Variants in RUNDC3A observed in about 807,000 individuals in gnomAD.
RUNDC3A encodes RUN domain-containing protein 3A.
Under a neutral mutation model 53.9 loss-of-function variants are expected in RUNDC3A, and 28 were observed. The ratio of observed to expected loss-of-function variants is 0.52; its 90% CI spans 0.38 to 0.71. The LOEUF is 0.71. Ranked by LOEUF, RUNDC3A falls within the 30% of genes least tolerant of loss-of-function variation. The pLI, the probability that RUNDC3A is intolerant of heterozygous loss-of-function variation, is 0.00. For missense variants in RUNDC3A, 491 were observed against 597.3 expected (o/e 0.82, Z 1.85); for synonymous variants, 232 against 249.4 (o/e 0.93, Z 0.66).
intron 3 of RUNDC3A, 40 bp downstream of exon 3, chr17:44,313,292 C>G: frequency 6.2e-7 from 1 of 1,610,016 alleles, no homozygotes; most frequent in South Asian, 1.1e-5. Context: ...CTGCTCTGGA[C>G]ACAGGGGGCC....
rs1253378100 is a variant in RUNDC3A, at chr17:44,314,512, A to G, written c.459-223A>G. 4 of 1,419,484 alleles carry G rather than the reference A, an allele frequency of 2.8e-6. No individual in the cohort carries two copies. The African/African-American group carries it at 4.3e-5, about 15-fold the overall frequency. The allele number at this position is 1,419,484 out of a possible 1,614,324, so 87.9% of individuals were successfully genotyped here. A position where few individuals can be genotyped will look rare whatever the true frequency, so the allele number is the denominator to read the frequency against. Reference sequence around the variant, plus strand: ...GTACTTGATGAGGAAGGGGTAGCTCAGAGGGAGGAGTCGGCTCAGGGAACA... The same window carrying G: ...GTACTTGATGAGGAAGGGGTAGCTCGGAGGGAGGAGTCGGCTCAGGGAACA... On this transcript the variant is annotated intron_variant, in intron 4 of 10. Coordinates refer to ENST00000426726, the MANE Select transcript of RUNDC3A (RefSeq NM_001144825.2).
chr17:44,317,011 C>T (rs1364070885), intron 10 of RUNDC3A: 6 of 431,746 alleles, frequency 1.4e-5, no homozygotes, highest in South Asian at 1.3e-4. Context: ...TTAGTAGAGA[C>T]GCGCGGCTAA....
At chr17:44,311,885 A>AGTCT (rs2047753657) in intron 1 of RUNDC3A, among the ~76,000 whole-genome samples, 1 of 151,908 alleles carries the variant, frequency 6.6e-6, no homozygotes, top group Non-Finnish European at 1.5e-5. Context: ...CCTCCTGCCC[A>AGTCT]GTGTCTGTGT....
Position 44,316,689 on chromosome 17 carries a change from G to A in RUNDC3A, c.1162G>A (p.Glu388Lys). 6.5e-7 allele frequency: 1 copy of A among 1,550,138 alleles called. No homozygotes were observed. The highest frequency in any genetic ancestry group is 1.9e-4 in the Middle Eastern group (1 of 5,358). ...GAGCTCGGACTCCCAGCGCCTGGGA[G>A]AGGGCACGCGGGACGAGGAGCCCTG... is the stretch of plus-strand genomic sequence containing the variant. ...SLSSDSQRLGEGTRDEEPWGP... is the reference protein window; with the variant it reads ...SLSSDSQRLGKGTRDEEPWGP... The change falls in exon 10 of 11, where the codon GAG becomes AAG. Residue 388 changes from glutamate (E) to lysine (K), a missense_variant. By Grantham distance (56) the Glu-to-Lys change is moderately conservative (BLOSUM62 1). Transcript: ENST00000426726.
chr17:44,316,875 T>C, intron 10 of RUNDC3A, 150 bp downstream of exon 10: 1 of 593,930 alleles, frequency 1.7e-6, no homozygotes, highest in South Asian at 2.3e-5. Context: ...CAAGTTGGAG[T>C]GCAGTGGCGC....
intron 4 of RUNDC3A, chr17:44,314,449 A>G (rs1285778134): frequency 7.5e-7 from 1 of 1,337,220 alleles, no homozygotes; most frequent in Non-Finnish European, 9.6e-7. Context: ...ACTAATGATT[A>G]AGACTTGCTT....
chr17:44,309,198 T>G (rs2047701758), intron 1 of RUNDC3A, among the ~76,000 whole-genome samples: 1 of 148,384 alleles, frequency 6.7e-6, no homozygotes. Flanking sequence ...TAGCTTCCTG[T>G]GAGAACCAGG....
In RUNDC3A at chr17:44,315,119, G is replaced by A. The variant is rs753846151; in HGVS notation, c.630-36G>A. 1.3e-6 allele frequency: 2 copies of A among 1,595,200 alleles called. No homozygotes were observed. The highest frequency in any genetic ancestry group is 1.7e-6 in the Non-Finnish European group (2 of 1,170,636). ...CCAGCGCAGACGCGCGGGGGGAGGG[G>A]CGGGACCGGCCGTGCCCACTGCTCC... is the stretch of plus-strand genomic sequence containing the variant. On this transcript the variant is annotated intron_variant, in intron 6 of 10. Coordinates refer to ENST00000426726, the MANE Select transcript of RUNDC3A (RefSeq NM_001144825.2). The surrounding 1 kb of genome is among the most constrained non-coding windows in gnomAD (Gnocchi z 6.1).
At chr17:44,312,519 C>A in intron 1 of RUNDC3A, 61 bp from the exon 2 acceptor site, 2 of 945,612 alleles carry the variant, frequency 2.1e-6, no homozygotes, top group Non-Finnish European at 3.3e-6. Context: ...CTGTCTCTCC[C>A]TCCATCACCT....
At chr17:44,311,875 C>T (rs1228855417) in intron 1 of RUNDC3A, among the ~76,000 whole-genome samples, 1 of 152,134 alleles carries the variant, frequency 6.6e-6, no homozygotes, top group Non-Finnish European at 1.5e-5. Context: ...GCCAATGCCC[C>T]CTCCTGCCCA....
intron 10 of RUNDC3A, chr17:44,316,962 A>T: frequency 8.5e-6 from 4 of 469,186 alleles, no homozygotes; most frequent in Non-Finnish European, 1.5e-5. Flanking sequence ...AGCTGGGATT[A>T]AAAGCGCCTG....
intron 2 of RUNDC3A, 96 bp downstream of exon 2, chr17:44,312,791 A>AGCG (rs2047776470): frequency 7.8e-6 from 3 of 384,174 alleles, no homozygotes; most frequent in South Asian, 2.3e-5. Flanking sequence ...TCCCTCCCCA[A>AGCG]CTCCCAACCT....
intron 1 of RUNDC3A, among the ~76,000 whole-genome samples, chr17:44,311,967 G>T (rs1160432746): frequency 6.6e-6 from 1 of 152,142 alleles, no homozygotes; most frequent in Non-Finnish European, 1.5e-5. Flanking sequence ...GGCAGCTGGT[G>T]TGTGGGAGGC....
chr17:44,316,448 C>G lies in RUNDC3A; in HGVS notation c.1017C>G (p.Pro339=). 1.2e-6 allele frequency: 2 copies of G among 1,613,840 alleles called. No homozygotes were observed. Among genetic ancestry groups the G allele is most frequent in the Non-Finnish European group, 1.7e-6 (2 of 1,179,886 alleles). Residue 339 remains proline (P), a synonymous_variant, in exon 9 of 11, where the codon CCC becomes CCG. Transcript: ENST00000426726. ...LAQGSKELTT[P]LVNQWPSLGT... ...AGGGTTCCAAGGAGCTCACTACACCCCTGGTCAATCAATGGCCCTCACTGG... is the reference window on the plus strand; with the variant it reads ...AGGGTTCCAAGGAGCTCACTACACCGCTGGTCAATCAATGGCCCTCACTGG...
At position 44,315,030 on chromosome 17, in the gene RUNDC3A, G is replaced by A. The variant is rs1396507520; in HGVS notation, c.629+21G>A. Reference sequence around the variant, plus strand: ...CAGAGGTGAGCGGCTCCATGACTGCGGCGGGGCGGGGGACGGGGCCTCGGG... The same window carrying A: ...CAGAGGTGAGCGGCTCCATGACTGCAGCGGGGCGGGGGACGGGGCCTCGGG... On this transcript the variant is annotated intron_variant, in intron 6 of 10. Transcript: ENST00000426726. This position sits in a 1 kb window ranked among gnomAD's most constrained non-coding sequence, Gnocchi z 6.1. 37 of 1,613,290 alleles carry A rather than the reference G, an allele frequency of 2.3e-5. No homozygotes were observed. The highest frequency in any genetic ancestry group is 3.1e-5 in the Non-Finnish European group (37 of 1,179,822).
intron 5 of RUNDC3A, 47 bp from the exon 6 acceptor site, chr17:44,314,882 C>T (rs1252371440): frequency 1.2e-6 from 2 of 1,613,956 alleles, no homozygotes; most frequent in Non-Finnish European, 1.7e-6. Flanking sequence ...AATGTCCTAC[C>T]CCAACCCCTC....
intron 1 of RUNDC3A, chr17:44,310,642 G>A: frequency 1.0e-6 from 1 of 958,362 alleles, no homozygotes; most frequent in Non-Finnish European, 1.2e-6. Context: ...GCAGGCCATG[G>A]GCTCCCCTGG....
intron 10 of RUNDC3A, chr17:44,317,395 G>A (rs527474924): frequency 9.7e-5 from 75 of 772,214 alleles, no homozygotes; most frequent in East Asian, 4.4e-4. Flanking sequence ...ACAAACTCTC[G>A]GGGAACTCCT....
Position 44,316,561 on chromosome 17 carries a change from G to C in RUNDC3A, c.1091+39G>C, listed in dbSNP as rs768545722. The C allele has an allele frequency of 2.5e-6, 4 of 1,591,768 alleles. No homozygotes were observed. In the African/African-American group the frequency reaches 4.0e-5, roughly 16 times the overall value. On this transcript the variant is annotated intron_variant, in intron 9 of 10. Transcript: ENST00000426726. ...AGGTGGGGCTTGGGCCTGAGAGCGG[G>C]TCGTCCTGGGGAAGAAGGGCTTCCT...
Sources: allele counts gnomAD v4.1 joint callset (sites outside exome capture counted in the v4.1 genomes callset), GRCh38; gene constraint gnomAD v4.1.1; non-coding constraint Gnocchi (gnomAD v3.1); transcripts MANE v1.5; gene names NCBI Gene and HGNC (gene_info 2026-07-23, HGNC 2026-07-21).